Variants in AGPAT3 observed in about 807,000 individuals in gnomAD.
The protein encoded by AGPAT3 is 1-acyl-sn-glycerol-3-phosphate acyltransferase gamma.
A neutral mutation model predicts 47.3 loss-of-function variants in AGPAT3; 5 were observed. The ratio of observed to expected loss-of-function variants is 0.11; its 90% CI spans 0.06 to 0.22. AGPAT3 has a LOEUF of 0.22. AGPAT3 is among the 10% of genes least tolerant of loss of function. The pLI is 1.00. For synonymous variants in AGPAT3, 212 were observed against 208.3 expected (o/e 1.02, Z -0.15); for missense variants, 315 against 493.0 (o/e 0.64, Z 3.42).
chr21:43,896,944 T>A (rs78154679), intron 1 of AGPAT3, among the ~76,000 whole-genome samples: 2 of 60,544 alleles, frequency 3.3e-5, no homozygotes, highest in African/African-American at 1.1e-4. Flanking sequence ...TGACAGTCCG[T>A]TTTTTTTTTT....
At position 43,954,418 on chromosome 21, in the gene AGPAT3, G is replaced by C. The variant is rs1028523479; in HGVS notation, c.-48-5216G>C. On this transcript the variant is annotated intron_variant, in intron 2 of 9. Transcript: ENST00000291572. The surrounding 1 kb of genome is among the most constrained non-coding windows in gnomAD (Gnocchi z 4.0). ...CCAGGGAAACCGTGTTGAGCGCTCTGGTGGGGGCAGGCGGGCGGGAGAGGC... is the reference window on the plus strand; with the variant it reads ...CCAGGGAAACCGTGTTGAGCGCTCTCGTGGGGGCAGGCGGGCGGGAGAGGC... 16 of 152,430 alleles carry C rather than the reference G, an allele frequency of 1.0e-4. No homozygotes were observed. Among genetic ancestry groups the C allele is most frequent in the African/African-American group, 3.6e-4 (15 of 41,474 alleles). 9.4% of individuals were successfully genotyped at this position (152,430 alleles called of 1,614,324 possible). A position where few individuals can be genotyped will look rare whatever the true frequency, so the allele number is the denominator to read the frequency against.
intron 1 of AGPAT3, among the ~76,000 whole-genome samples, chr21:43,902,841 A>T (rs943288651): frequency 6.6e-6 from 1 of 152,320 alleles, no homozygotes; most frequent in African/African-American, 2.4e-5. Context: ...TCTACAAAAA[A>T]TTTAAAAAAT....
At chr21:43,979,962 T>C (rs974197566) in intron 8 of AGPAT3, among the ~76,000 whole-genome samples, 2 of 152,122 alleles carry the variant, frequency 1.3e-5, no homozygotes, top group African/African-American at 2.4e-5. Flanking sequence ...GTGAGCTCAG[T>C]GATAACAGTC....
At chr21:43,905,795 A>G (rs1294888419) in intron 2 of AGPAT3, among the ~76,000 whole-genome samples, 1 of 152,106 alleles carries the variant, frequency 6.6e-6, no homozygotes, top group African/African-American at 2.4e-5. Context: ...TCCTTTGGCT[A>G]TTGTTGGACT....
rs759189769 is a variant in AGPAT3, at chr21:43,959,628, T to C, written c.-48-6T>C. On this transcript the variant is annotated splice_polypyrimidine_tract_variant and splice_region_variant and intron_variant, in intron 2 of 9. Coordinates refer to ENST00000291572, the MANE Select transcript of AGPAT3 (RefSeq NM_020132.5). ...CCTGACGCTGTCCCTGTCCCTGTCT[T>C]TGCAGGACGGCTGTCCTCAGCGAGG... 6.2e-7 allele frequency: 1 copy of C among 1,603,840 alleles called. No homozygotes were observed. The highest frequency in any genetic ancestry group is 1.1e-5 in the South Asian group (1 of 90,978).
chr21:43,975,934 C>T (rs1018087003), intron 7 of AGPAT3, among the ~76,000 whole-genome samples: 2 of 151,552 alleles, frequency 1.3e-5, no homozygotes, highest in Non-Finnish European at 1.5e-5. Context: ...TGTTAAGATG[C>T]TCCCTTACGG....
At position 43,958,546 on chromosome 21, in the gene AGPAT3, TGTG is replaced by T. The variant is rs952794274; in HGVS notation, c.-48-1084_-48-1082del. On this transcript the variant is annotated intron_variant, in intron 2 of 9. Coordinates refer to ENST00000291572, the MANE Select transcript of AGPAT3 (RefSeq NM_020132.5). ...TTTGGTGTGTGGTGTAGGTGTGGTT[TGTG>T]GTGTGTGTGGTGCGTGTGGCGTGTG... 2.3e-4 allele frequency among the ~76,000 whole-genome samples: 35 copies of T among 151,518 alleles called. No individual in the cohort carries two copies. The East Asian group carries it at 2.9e-3, about 13-fold the overall frequency.
chr21:43,929,759 T>A (rs554602790), intron 2 of AGPAT3, among the ~76,000 whole-genome samples: 2 of 152,216 alleles, frequency 1.3e-5, no homozygotes, highest in Non-Finnish European at 2.9e-5. Flanking sequence ...GTGGGCAGGA[T>A]GGGCAGGAGC....
At chr21:43,877,859 G>C (rs1169348514) in intron 1 of AGPAT3, among the ~76,000 whole-genome samples, 1 of 152,052 alleles carries the variant, frequency 6.6e-6, no homozygotes, top group Non-Finnish European at 1.5e-5. Context: ...CTGGTGTCCA[G>C]GACAGAAACC....
intron 3 of AGPAT3, among the ~76,000 whole-genome samples, chr21:43,963,721 A>AG (rs1189687223): frequency 1.3e-5 from 2 of 151,312 alleles, no homozygotes; most frequent in African/African-American, 4.9e-5. Flanking sequence ...AAAAAAAAAA[A>AG]AAAAAAAAAG....
At chr21:43,926,540 AG>A (rs1569068596) in intron 2 of AGPAT3, among the ~76,000 whole-genome samples, 2 of 151,592 alleles carry the variant, frequency 1.3e-5, no homozygotes, top group African/African-American at 4.9e-5. Flanking sequence ...AGGAGCCCCC[AG>A]CCCCCACGGC....
chr21:43,937,757 CAG>C (rs962814154), intron 2 of AGPAT3, among the ~76,000 whole-genome samples: 4 of 152,142 alleles, frequency 2.6e-5, no homozygotes, highest in Admixed American at 2.6e-4. Context: ...AACCTTTTGT[CAG>C]GGGCTGAAAC....
intron 2 of AGPAT3, among the ~76,000 whole-genome samples, chr21:43,918,528 A>G (rs1352103570): frequency 6.6e-6 from 1 of 151,918 alleles, no homozygotes; most frequent in Non-Finnish European, 1.5e-5. Context: ...AATGGGGGAC[A>G]CTTGGTTACA....
At chr21:43,959,944 C>A in intron 3 of AGPAT3, 85 bp downstream of exon 3, 2 of 1,438,378 alleles carry the variant, frequency 1.4e-6, no homozygotes, top group African/African-American at 1.4e-5. Flanking sequence ...CGTGGGCTCT[C>A]AGGCAGGAAG....
At chr21:43,892,116 G>A (rs1160710001) in intron 1 of AGPAT3, among the ~76,000 whole-genome samples, 9 of 152,162 alleles carry the variant, frequency 5.9e-5, no homozygotes, top group East Asian at 1.9e-4. Flanking sequence ...AGACCAGCAC[G>A]GCCAACATGA....
chr21:43,909,021 G>A (rs1303875651), intron 2 of AGPAT3, among the ~76,000 whole-genome samples: 1 of 152,212 alleles, frequency 6.6e-6, no homozygotes, highest in African/African-American at 2.4e-5. Context: ...GAGAGCAGGC[G>A]GGCCTCACCT....
intron 7 of AGPAT3, among the ~76,000 whole-genome samples, chr21:43,971,725 G>A (rs1023764155): frequency 2.6e-5 from 4 of 152,244 alleles, no homozygotes; most frequent in Admixed American, 1.3e-4. Context: ...AGACACGGGG[G>A]ATGTGTGGGG....
At chr21:43,903,555 G>A (rs1381680857) in intron 1 of AGPAT3, among the ~76,000 whole-genome samples, 2 of 152,242 alleles carry the variant, frequency 1.3e-5, no homozygotes, top group African/African-American at 2.4e-5. Context: ...GGGAAGCAGC[G>A]GGAGCGCATG....
At chr21:43,915,802 AT>A (rs954143780) in intron 2 of AGPAT3, among the ~76,000 whole-genome samples, 4 of 151,898 alleles carry the variant, frequency 2.6e-5, no homozygotes, top group African/African-American at 9.7e-5. Context: ...ATTAAAAAAA[AT>A]TTTTTTCCTT....
Sources: gnomAD v4.1 joint callset for allele counts (sites outside exome capture counted in the v4.1 genomes callset) on GRCh38, gnomAD v4.1.1 for gene constraint, Gnocchi (gnomAD v3.1) non-coding constraint, MANE v1.5 for transcripts, NCBI Gene and HGNC (gene_info 2026-07-23, HGNC 2026-07-21) for gene names.